The following RALGDS variants were observed in gnomAD, a reference collection of about 807,000 sequenced individuals.
The protein encoded by RALGDS is ral guanine nucleotide dissociation stimulator, also known as ral guanine nucleotide exchange factor.
In RALGDS, 44 loss-of-function variants were observed where a neutral mutation model predicts 99.8. The ratio of observed to expected loss-of-function variants is 0.44; its 90% CI spans 0.35 to 0.57. The LOEUF (loss-of-function observed/expected upper bound fraction) is 0.57. Among genes scored for constraint, RALGDS ranks in the 20% least tolerant of loss-of-function variants. The probability of loss-of-function intolerance (pLI) is 0.01; values close to 1 mark genes in which losing one functional copy is unlikely to be tolerated. For missense variants in RALGDS, 1,022 were observed against 1,203.1 expected, an observed-to-expected ratio of 0.85 and a Z score of 2.23; for synonymous variants, 529 against 505.0, an observed-to-expected ratio of 1.05 and a Z score of -0.64.
chr9:133,143,599 T>C (rs1310084103), intron 1 of RALGDS, among the ~76,000 whole-genome samples: 1 of 151,484 alleles, frequency 6.6e-6, no homozygotes, highest in Admixed American at 6.6e-5. Context: ...ACAAAAAAAA[T>C]CCAAAAATTA....
intron 9 of RALGDS, 102 bp downstream of exon 9, chr9:133,105,830 C>T (rs184729892): frequency 2.1e-5 from 4 of 189,338 alleles, no homozygotes; most frequent in Admixed American, 9.0e-5. Context: ...CCCCAGCCCC[C>T]GCCCCAGCCC....
rs772537104 is a variant in RALGDS, at chr9:133,144,843, T to C, written c.18+4120A>G. Among the ~76,000 whole-genome samples, 11 of 152,220 alleles carry C rather than the reference T, an allele frequency of 7.2e-5. No individual in the cohort carries two copies. The highest frequency in any genetic ancestry group is 1.3e-4 in the Non-Finnish European group (9 of 68,042). ...CTGGTACCCGTGAATGAGATCTTAT[T>C]TGGAAATAGGGTCTGTGCGGATAGA... On this transcript the variant is annotated intron_variant, in intron 1 of 17. Transcript: ENST00000393160. The surrounding 1 kb of genome is among the most constrained non-coding windows in gnomAD (Gnocchi z 4.5).
chr9:133,132,119 G>C (rs1832344682), upstream of RALGDS, among the ~76,000 whole-genome samples: 1 of 152,268 alleles, frequency 6.6e-6, no homozygotes, highest in African/African-American at 2.4e-5. Context: ...CCAGTGCTCA[G>C]AGTGTGGCTT....
intron 14 of RALGDS, 67 bp from the exon 15 acceptor site, chr9:133,102,206 A>G: frequency 1.3e-6 from 2 of 1,492,550 alleles, no homozygotes; most frequent in South Asian, 2.5e-5. Flanking sequence ...CAGCCCCTGC[A>G]CCCTGCGCCC....
At chr9:133,131,922 C>T (rs912881781), upstream of RALGDS, among the ~76,000 whole-genome samples, 3 of 152,326 alleles carry the variant, frequency 2.0e-5, no homozygotes, top group Admixed American at 6.5e-5. Context: ...CCGTGCTTGG[C>T]GGATGTGCAA....
At chr9:133,136,702 G>A (rs573696518) in intron 1 of RALGDS, among the ~76,000 whole-genome samples, 2 of 152,276 alleles carry the variant, frequency 1.3e-5, no homozygotes, top group South Asian at 2.1e-4. Flanking sequence ...AACCTGGGAG[G>A]CAGAGGTTGC....
intron 1 of RALGDS, among the ~76,000 whole-genome samples, chr9:133,140,309 A>G (rs1257865096): frequency 1.3e-5 from 2 of 149,226 alleles, no homozygotes; most frequent in Non-Finnish European, 3.0e-5. Flanking sequence ...TGGGATCAGG[A>G]CAAAGTCCCA....
chr9:133,108,344 G>T lies in RALGDS; in HGVS notation c.841C>A (p.Arg281=). 6.5e-7 allele frequency: 1 copy of T among 1,541,358 alleles called. No individual in the cohort carries two copies. Among genetic ancestry groups the T allele is most frequent in the South Asian group, 1.2e-5 (1 of 84,288 alleles). Residue 281 remains arginine, a synonymous_variant, in exon 6 of 18, where the codon CGA becomes AGA. Transcript: ENST00000372050. ...GGAGCCGGCACTGGGCTGGGTGCTC[G>T]AGCTGGTGTTAGAGCTAGCTCGAGC... ...PELELALTPA[R]APSPVPAPAP... is the part of the protein sequence containing the mutation.
upstream of RALGDS, among the ~76,000 whole-genome samples, chr9:133,135,880 T>C (rs1832416779): frequency 6.6e-6 from 1 of 152,242 alleles, no homozygotes; most frequent in African/African-American, 2.4e-5. Flanking sequence ...CCAGAGTTCT[T>C]ATTTTGAATT....
At chr9:133,120,947 C>A in intron 1 of RALGDS, 25 bp downstream of exon 1, 1 of 1,473,684 alleles carries the variant, frequency 6.8e-7, no homozygotes, top group South Asian at 1.3e-5. Context: ...ACGCACCCCC[C>A]GCCCGACCGC....
intron 16 of RALGDS, chr9:133,100,647 G>C: frequency 1.5e-6 from 2 of 1,357,078 alleles, no homozygotes; most frequent in Non-Finnish European, 1.9e-6. Flanking sequence ...TCCTGTAAGA[G>C]ACTGTTCCCT....
intron 1 of RALGDS, among the ~76,000 whole-genome samples, chr9:133,128,530 C>T (rs1020489361): frequency 6.6e-6 from 1 of 152,172 alleles, no homozygotes; most frequent in Non-Finnish European, 1.5e-5. Flanking sequence ...CAGCCGCCAT[C>T]CTGGCCCCGG....
At chr9:133,139,938 C>T (rs1219406363) in intron 1 of RALGDS, among the ~76,000 whole-genome samples, 1 of 152,142 alleles carries the variant, frequency 6.6e-6, no homozygotes, top group Non-Finnish European at 1.5e-5. Context: ...GAGGCCAAGC[C>T]AGGGCTCCCA....
intron 10 of RALGDS, 128 bp downstream of exon 10, chr9:133,104,135 G>T: frequency 1.0e-6 from 1 of 991,460 alleles, no homozygotes; most frequent in Non-Finnish European, 1.5e-6. Flanking sequence ...ATCCAGGTGT[G>T]GCTCTGCTAG....
At chr9:133,109,914 C>T (rs1018743698) in intron 3 of RALGDS, among the ~76,000 whole-genome samples, 193 bp from the exon 4 acceptor site, 10 of 152,120 alleles carry the variant, frequency 6.6e-5, no homozygotes, top group African/African-American at 1.2e-4. Context: ...GCTATCTGAG[C>T]GCCCCTTGGG....
intron 14 of RALGDS, 34 bp downstream of exon 14, chr9:133,102,442 C>T (rs747119331): frequency 8.1e-6 from 13 of 1,598,154 alleles, no homozygotes; most frequent in Admixed American, 1.7e-5. Context: ...AGCCCCAAGG[C>T]AGCTGCCCCT....
rs548782715 is a variant in RALGDS, at chr9:133,100,351, A to C, written c.2486T>G (p.Ile829Ser). The C allele has an allele frequency of 6.2e-7, 1 of 1,614,126 alleles. No individual in the cohort carries two copies. The highest frequency in any genetic ancestry group is 1.7e-5 in the Admixed American group (1 of 60,032). The part of the protein sequence containing the change: ...VTSQDKAPAV[I>S]RKAMDKHNLE... ...GTTGTGTTTGTCCATGGCCTTGCGG[A>C]TTACAGCCGGAGCCTTATCTTGGCT... Residue 829 changes from isoleucine (I) to serine (S), a missense_variant, in exon 17 of 18, where the codon ATC becomes AGC. By Grantham distance (142) the Ile-to-Ser change is moderately radical (BLOSUM62 -2). Transcript: ENST00000372050.
rs528386866 is a variant in RALGDS, at chr9:133,106,536, G to A, written c.1517+109C>T. ...GCTGCTGCCAACTCAGGTCAGTGAA[G>A]GGTCCCTGCCCTCAGGGTTTGTGGC... On this transcript the variant is annotated intron_variant, in intron 8 of 17. Coordinates refer to ENST00000372050, the MANE Select transcript of RALGDS (RefSeq NM_006266.4). 24 of 818,866 alleles carry A rather than the reference G, an allele frequency of 2.9e-5. No homozygotes were observed. The African/African-American group carries it at 3.4e-4, about 12-fold the overall frequency. The allele number at this position is 818,866 out of a possible 1,614,324, so 50.7% of individuals were successfully genotyped here. A position where few individuals can be genotyped will look rare whatever the true frequency, so the allele number is the denominator to read the frequency against.
At chr9:133,141,680 T>G (rs1198596382) in intron 1 of RALGDS, among the ~76,000 whole-genome samples, 1 of 152,246 alleles carries the variant, frequency 6.6e-6, no homozygotes, top group Non-Finnish European at 1.5e-5. Flanking sequence ...AGTGGCGGCC[T>G]GGTCCTGGTC....
Sources: allele counts gnomAD v4.1 joint callset (sites outside exome capture counted in the v4.1 genomes callset), GRCh38; gene constraint gnomAD v4.1.1; non-coding constraint Gnocchi (gnomAD v3.1); transcripts MANE v1.5; gene names NCBI Gene and HGNC (gene_info 2026-07-23, HGNC 2026-07-21).